The following SGCZ variants were observed in gnomAD, a reference collection of about 807,000 sequenced individuals.
SGCZ encodes the protein sarcoglycan zeta, also known as zeta-sarcoglycan.
SGCZ carries 40 observed loss-of-function variants against 41.3 expected under a neutral mutation model. The ratio of observed to expected loss-of-function variants is 0.97; its 90% confidence interval spans 0.75 to 1.26. The LOEUF (loss-of-function observed/expected upper bound fraction) is 1.26, where lower values mean the gene tolerates loss of function less well. Ranked by LOEUF, SGCZ falls within the 50% of genes most tolerant of loss-of-function variation. SGCZ has a pLI of 0.00. For missense variants in SGCZ, 552 were observed against 369.8 expected (o/e 1.49, Z -4.04); for synonymous variants, 206 against 137.5 (o/e 1.50, Z -3.49).
intron 1 of SGCZ, among the ~76,000 whole-genome samples, chr8:15,209,475 TAAAAAAAAAAAAA>T (rs57088562): frequency 4.2e-5 from 6 of 142,112 alleles, no homozygotes; most frequent in Admixed American, 2.9e-4. Context: ...AGCATAATAG[TAAAAAAAAAAAAA>T]AAAAAAAAAA....
intron 1 of SGCZ, among the ~76,000 whole-genome samples, chr8:15,123,128 C>A (rs145900009): frequency 1.3e-5 from 2 of 152,236 alleles, no homozygotes; most frequent in South Asian, 4.2e-4. Context: ...AAAGGGCTCA[C>A]CGTCATGACA....
intron 1 of SGCZ, among the ~76,000 whole-genome samples, chr8:14,917,664 C>G (rs375175663): frequency 6.6e-5 from 10 of 152,080 alleles, no homozygotes; most frequent in African/African-American, 2.2e-4. Context: ...ACTTTACATC[C>G]TATTTCTACA....
intron 1 of SGCZ, among the ~76,000 whole-genome samples, chr8:14,968,207 AT>A (rs762525868): frequency 1.3e-5 from 2 of 152,136 alleles, no homozygotes; most frequent in Non-Finnish European, 2.9e-5. Context: ...TATTCAAGCA[AT>A]TTGTGGTATC....
At chr8:14,302,872 C>G (rs1002488937) in intron 3 of SGCZ, among the ~76,000 whole-genome samples, 4 of 152,182 alleles carry the variant, frequency 2.6e-5, no homozygotes, top group African/African-American at 7.2e-5. Flanking sequence ...AGAGGGCTCT[C>G]TATTTCTCAG....
intron 3 of SGCZ, among the ~76,000 whole-genome samples, chr8:14,267,277 A>C (rs1446331410): frequency 5.3e-5 from 8 of 152,044 alleles, no homozygotes; most frequent in African/African-American, 1.9e-4. Context: ...TCATAAGATG[A>C]TAAAAGAGCT....
At chr8:14,844,780 CA>C (rs1457383532) in intron 1 of SGCZ, among the ~76,000 whole-genome samples, 1 of 152,144 alleles carries the variant, frequency 6.6e-6, no homozygotes, top group Admixed American at 6.5e-5. Flanking sequence ...AAACAATCAA[CA>C]GAGAAATTAT....
At chr8:14,699,784 T>C (rs919055481) in intron 1 of SGCZ, among the ~76,000 whole-genome samples, 1 of 151,004 alleles carries the variant, frequency 6.6e-6, no homozygotes. Flanking sequence ...AAAACAAAAT[T>C]ACCACAAAAG....
intron 1 of SGCZ, among the ~76,000 whole-genome samples, chr8:15,025,864 G>T (rs528646865): frequency 1.3e-5 from 2 of 152,012 alleles, no homozygotes; most frequent in African/African-American, 4.8e-5. Flanking sequence ...ATATAAGTAA[G>T]ACTATATACG....
At chr8:14,638,700 A>G (rs1012730215) in intron 1 of SGCZ, among the ~76,000 whole-genome samples, 3 of 151,800 alleles carry the variant, frequency 2.0e-5, no homozygotes, top group African/African-American at 7.3e-5. Context: ...CCCCTGACAG[A>G]TATCTCAGCT....
intron 3 of SGCZ, among the ~76,000 whole-genome samples, chr8:14,269,670 G>T (rs1484453589): frequency 6.6e-6 from 1 of 151,984 alleles, no homozygotes; most frequent in African/African-American, 2.4e-5. Context: ...AGTTCTTTAA[G>T]TCAAAAATTC....
chr8:14,447,754 C>G (rs1563335641), intron 2 of SGCZ, among the ~76,000 whole-genome samples: 4 of 152,152 alleles, frequency 2.6e-5, no homozygotes, highest in Non-Finnish European at 5.9e-5. Flanking sequence ...ATGAAAGACT[C>G]CATCTGGCTT....
At chr8:14,299,233 C>T (rs1040753365) in intron 3 of SGCZ, among the ~76,000 whole-genome samples, 2 of 151,838 alleles carry the variant, frequency 1.3e-5, no homozygotes, top group African/African-American at 2.4e-5. Flanking sequence ...GGAGAGAACA[C>T]GGTAGAAAAT....
chr8:14,599,364 C>G (rs1319903661), intron 1 of SGCZ, among the ~76,000 whole-genome samples: 1 of 152,096 alleles, frequency 6.6e-6, no homozygotes, highest in Non-Finnish European at 1.5e-5. Flanking sequence ...TCAAAACCAC[C>G]TCTACACTGA....
chr8:14,230,094 T>A (rs1410107143), intron 4 of SGCZ, among the ~76,000 whole-genome samples: 1 of 152,102 alleles, frequency 6.6e-6, no homozygotes, highest in African/African-American at 2.4e-5. Context: ...TGTCAAAACA[T>A]CAAATCAGAT....
chr8:14,282,704 T>C (rs35509424), intron 3 of SGCZ, among the ~76,000 whole-genome samples: 2,340 of 152,274 alleles, frequency 0.015, 25 homozygotes, highest in Non-Finnish European at 0.025. Flanking sequence ...CTTCCTCAAA[T>C]GTTCCTTCTG....
chr8:14,591,043 A>G (rs1247880352), intron 1 of SGCZ, among the ~76,000 whole-genome samples: 1 of 151,410 alleles, frequency 6.6e-6, no homozygotes, highest in Non-Finnish European at 1.5e-5. Flanking sequence ...ATGAGATTCC[A>G]AGAGACTTGC....
At chr8:14,891,822 A>G (rs1805029869) in intron 1 of SGCZ, among the ~76,000 whole-genome samples, 2 of 152,220 alleles carry the variant, frequency 1.3e-5, no homozygotes, top group African/African-American at 4.8e-5. Flanking sequence ...CATCACCCTC[A>G]TCAGTCAGCA....
At chr8:14,558,612 G>GAGAGAGAGAGAA in intron 1 of SGCZ, among the ~76,000 whole-genome samples, 1 of 148,418 alleles carries the variant, frequency 6.7e-6, no homozygotes, top group South Asian at 2.1e-4. Flanking sequence ...GAGAGAGAGA[G>GAGAGAGAGAGAA]AATCTTCCAT....
chr8:14,829,129 A>C (rs1014544433), intron 1 of SGCZ, among the ~76,000 whole-genome samples: 6 of 151,924 alleles, frequency 3.9e-5, no homozygotes, highest in Non-Finnish European at 7.4e-5. Context: ...TGTACAGATT[A>C]TTTCCTCATC....
Sources: allele counts gnomAD v4.1 joint callset (sites outside exome capture counted in the v4.1 genomes callset), GRCh38; gene constraint gnomAD v4.1.1; transcripts MANE v1.5; gene names NCBI Gene and HGNC (gene_info 2026-07-23, HGNC 2026-07-21).